IQGAP2: variants seen among roughly 807,000 people sequenced by gnomAD.
The protein encoded by IQGAP2 is ras GTPase-activating-like protein IQGAP2.
Under a neutral mutation model 201.3 loss-of-function variants are expected in IQGAP2, and 173 were observed. The ratio of observed to expected loss-of-function variants is 0.86; its 90% CI spans 0.76 to 0.98. The LOEUF is 0.98. IQGAP2 is among the 50% of genes least tolerant of loss of function. IQGAP2 has a pLI of 0.00. For synonymous variants in IQGAP2, 675 were observed against 673.9 expected, an observed-to-expected ratio of 1.00 and a Z score of -0.03; for missense variants, 1,687 against 1,864.8, an observed-to-expected ratio of 0.90 and a Z score of 1.76.
At chr5:76,508,637 G>T (rs1323303124) in intron 2 of IQGAP2, among the ~76,000 whole-genome samples, 3 of 151,050 alleles carry the variant, frequency 2.0e-5, no homozygotes, top group Admixed American at 2.0e-4. Flanking sequence ...GAGCCCAGGT[G>T]TTTGAAACCA....
chr5:76,518,570 T>C (rs370159517), intron 2 of IQGAP2, among the ~76,000 whole-genome samples: 2 of 152,108 alleles, frequency 1.3e-5, no homozygotes, highest in South Asian at 2.1e-4. Flanking sequence ...GGGACATAAG[T>C]GGAAGAAGGG....
At chr5:76,432,284 CA>C (rs1283532064) in intron 1 of IQGAP2, among the ~76,000 whole-genome samples, 1 of 151,954 alleles carries the variant, frequency 6.6e-6, no homozygotes, top group Non-Finnish European at 1.5e-5. Context: ...ACCACCACGC[CA>C]GGCTAATTTT....
At chr5:76,513,071 A>AG (rs397788601) in intron 2 of IQGAP2, among the ~76,000 whole-genome samples, 28 of 151,434 alleles carry the variant, frequency 1.8e-4, no homozygotes, top group African/African-American at 6.8e-4. Flanking sequence ...AAAAAAAAAA[A>AG]GAAAAAAGAA....
chr5:76,571,687 T>A (rs1193468886), intron 4 of IQGAP2, among the ~76,000 whole-genome samples: 1 of 152,208 alleles, frequency 6.6e-6, no homozygotes, highest in Non-Finnish European at 1.5e-5. Context: ...ATAAAAATTG[T>A]AGAACTATTT....
chr5:76,613,116 C>A (rs760195496), intron 13 of IQGAP2, among the ~76,000 whole-genome samples: 6 of 152,326 alleles, frequency 3.9e-5, no homozygotes, highest in Middle Eastern at 3.4e-3. Context: ...ATTTAAGCCT[C>A]ATACCACCTG....
chr5:76,420,817 G>A (rs563307426), intron 1 of IQGAP2, among the ~76,000 whole-genome samples: 34 of 152,262 alleles, frequency 2.2e-4, no homozygotes, highest in Admixed American at 5.9e-4. Context: ...TCATGTAAGG[G>A]GAATTATACA....
intron 1 of IQGAP2, among the ~76,000 whole-genome samples, chr5:76,414,897 T>C (rs774704707): frequency 5.9e-5 from 9 of 152,216 alleles, no homozygotes; most frequent in African/African-American, 1.4e-4. Flanking sequence ...TTAGGGGAAC[T>C]CTGAGAAAGA....
At chr5:76,523,625 T>C (rs1251843920) in intron 2 of IQGAP2, among the ~76,000 whole-genome samples, 1 of 152,206 alleles carries the variant, frequency 6.6e-6, no homozygotes, top group Non-Finnish European at 1.5e-5. Context: ...TCCAATCAGC[T>C]ATGCAGTAAG....
intron 7 of IQGAP2, 129 bp from the exon 8 acceptor site, chr5:76,590,279 C>G (rs1377783482): frequency 1.4e-6 from 1 of 721,338 alleles, no homozygotes; most frequent in Admixed American, 2.5e-5. Flanking sequence ...TCTCAGTTCT[C>G]TTTTTGACAT....
chr5:76,466,976 T>C (rs1754815919), intron 2 of IQGAP2, among the ~76,000 whole-genome samples: 1 of 152,084 alleles, frequency 6.6e-6, no homozygotes, highest in Non-Finnish European at 1.5e-5. Context: ...TTAAGTCGGG[T>C]GAGGTGGCTC....
chr5:76,529,865 T>A (rs181518545), intron 2 of IQGAP2, among the ~76,000 whole-genome samples: 5 of 152,160 alleles, frequency 3.3e-5, no homozygotes, highest in Admixed American at 2.0e-4. Context: ...TGTTTTGAAG[T>A]GACTTGAGCC....
chr5:76,593,075 T>G (rs1746769571), intron 9 of IQGAP2, 150 bp downstream of exon 9: 1 of 640,404 alleles, frequency 1.6e-6, no homozygotes, highest in Admixed American at 2.7e-5. Flanking sequence ...CTCTTAATTA[T>G]GGTGCAGCAT....
chr5:76,594,300 C>T (rs979798330), intron 9 of IQGAP2, among the ~76,000 whole-genome samples: 2 of 152,182 alleles, frequency 1.3e-5, no homozygotes, highest in African/African-American at 4.8e-5. Context: ...AGCCTTTAAC[C>T]ATCCTTTATT....
chr5:76,461,779 A>AG (rs1428893399), intron 2 of IQGAP2, 110 bp downstream of exon 2: 1 of 727,202 alleles, frequency 1.4e-6, no homozygotes, highest in Non-Finnish European at 2.4e-6. Context: ...GCAATTCTAA[A>AG]GAGTTGTCGT....
chr5:76,670,165 T>C (rs1292195655), intron 23 of IQGAP2, among the ~76,000 whole-genome samples: 2 of 152,092 alleles, frequency 1.3e-5, no homozygotes, highest in Admixed American at 1.3e-4. Flanking sequence ...ATTCTTTTGT[T>C]TGGGCATTGA....
chr5:76,596,037 G>A (rs184351894), intron 9 of IQGAP2, among the ~76,000 whole-genome samples: 14 of 152,122 alleles, frequency 9.2e-5, no homozygotes, highest in African/African-American at 3.1e-4. Flanking sequence ...GGTTCTCAGG[G>A]TCCTTTAGGT....
intron 2 of IQGAP2, among the ~76,000 whole-genome samples, chr5:76,534,507 G>C (rs372078167): frequency 2.0e-5 from 3 of 152,176 alleles, no homozygotes; most frequent in East Asian, 1.9e-4. Flanking sequence ...ACATAATTAC[G>C]TTCTCTATGA....
At chr5:76,498,921 G>A (rs1284398907) in intron 2 of IQGAP2, among the ~76,000 whole-genome samples, 1 of 152,218 alleles carries the variant, frequency 6.6e-6, no homozygotes, top group African/African-American at 2.4e-5. Context: ...GAGTTGTTAC[G>A]GGGTGGGATG....
At chr5:76,584,621 A>G (rs1346423065) in intron 5 of IQGAP2, among the ~76,000 whole-genome samples, 2 of 151,864 alleles carry the variant, frequency 1.3e-5, no homozygotes, top group African/African-American at 2.4e-5. Context: ...TGATAGCGGG[A>G]TAGCATGCCG....
Sources: allele counts gnomAD v4.1 joint callset (sites outside exome capture counted in the v4.1 genomes callset), GRCh38; gene constraint gnomAD v4.1.1; transcripts MANE v1.5; gene names NCBI Gene and HGNC (gene_info 2026-07-23, HGNC 2026-07-21).